The following RAB31 variants were observed in gnomAD, a reference collection of about 807,000 sequenced individuals.
RAB31 encodes the protein ras-related protein Rab-31.
RAB31 carries 21 observed loss-of-function variants against 25.6 expected under a neutral mutation model. The observed-to-expected ratio is 0.82, with a 90% CI of 0.58 to 1.18. The LOEUF (loss-of-function observed/expected upper bound fraction) is 1.18. Among genes scored for constraint, RAB31 ranks in the 50% most tolerant of loss-of-function variants. RAB31 has a pLI of 0.00. For synonymous variants in RAB31, 87 were observed against 84.0 expected (o/e 1.04, Z -0.20); for missense variants, 196 against 250.1 (o/e 0.78, Z 1.46).
Position 9,796,277 on chromosome 18 carries a change from T to C in RAB31, c.201+4042T>C, listed in dbSNP as rs55742218. Among the ~76,000 whole-genome samples the C allele has an allele frequency of 3.6e-3, 544 of 152,262 alleles. 2 individuals carry two copies. Among genetic ancestry groups the C allele is most frequent in the African/African-American group, 0.013 (524 of 41,542 alleles). On this transcript the variant is annotated intron_variant, in intron 3 of 6. Transcript: ENST00000578921. ...AATAAAAACTACACACTGGGTACAGTGTACACTGCTTGGGTGATGGGTGCA... is the reference window on the plus strand; with the variant it reads ...AATAAAAACTACACACTGGGTACAGCGTACACTGCTTGGGTGATGGGTGCA...
At chr18:9,770,488 G>T in intron 1 of RAB31, among the ~76,000 whole-genome samples, 1 of 152,304 alleles carries the variant, frequency 6.6e-6, no homozygotes, top group Middle Eastern at 3.4e-3. Flanking sequence ...AACAGCAGGG[G>T]TTGTCATTTC....
At chr18:9,850,717 A>C (rs1215505839) in intron 6 of RAB31, among the ~76,000 whole-genome samples, 1 of 152,014 alleles carries the variant, frequency 6.6e-6, no homozygotes, top group Non-Finnish European at 1.5e-5. Context: ...ATTAAGGTGA[A>C]TATATGGGCA....
At chr18:9,782,524 G>T (rs752414201) in intron 2 of RAB31, among the ~76,000 whole-genome samples, 2 of 152,222 alleles carry the variant, frequency 1.3e-5, no homozygotes, top group African/African-American at 4.8e-5. Flanking sequence ...AACATCTTGA[G>T]TGTGTGTGTA....
chr18:9,712,951 A>T (rs1164075529), intron 1 of RAB31, among the ~76,000 whole-genome samples: 1 of 152,242 alleles, frequency 6.6e-6, no homozygotes, highest in Non-Finnish European at 1.5e-5. Context: ...GGCTCATTAA[A>T]GAGCAGTCAA....
chr18:9,738,073 T>G (rs1314855492), intron 1 of RAB31, among the ~76,000 whole-genome samples: 4 of 152,084 alleles, frequency 2.6e-5, no homozygotes, highest in Admixed American at 2.6e-4. Flanking sequence ...GAAGGCCAAG[T>G]GCATCATGGA....
chr18:9,812,831 G>C (rs1330944982), intron 3 of RAB31, among the ~76,000 whole-genome samples: 1 of 151,390 alleles, frequency 6.6e-6, no homozygotes, highest in Admixed American at 6.6e-5. Context: ...CCAAGTAGCT[G>C]GGATTACAGG....
intron 6 of RAB31, among the ~76,000 whole-genome samples, chr18:9,855,674 A>G (rs1358709448): frequency 2.0e-5 from 3 of 152,014 alleles, no homozygotes; most frequent in Non-Finnish European, 4.4e-5. Flanking sequence ...TCTCCTTTTA[A>G]AGGTGCCGGC....
At chr18:9,795,149 C>A (rs1568180998) in intron 3 of RAB31, among the ~76,000 whole-genome samples, 2 of 152,154 alleles carry the variant, frequency 1.3e-5, no homozygotes, top group Non-Finnish European at 2.9e-5. Flanking sequence ...AAATGGACAT[C>A]CTATTCAACA....
At chr18:9,765,427 C>G (rs16955563) in intron 1 of RAB31, among the ~76,000 whole-genome samples, 10,105 of 152,124 alleles carry the variant, frequency 0.066, 446 homozygotes, top group East Asian at 0.17. Flanking sequence ...CTCTCTCTAC[C>G]CCAAAAGGAA....
intron 6 of RAB31, among the ~76,000 whole-genome samples, chr18:9,851,711 T>C (rs1004210090): frequency 2.0e-5 from 3 of 152,184 alleles, no homozygotes; most frequent in African/African-American, 7.2e-5. Flanking sequence ...TTTTAAGAAA[T>C]CATGGTACAC....
intron 6 of RAB31, among the ~76,000 whole-genome samples, chr18:9,848,588 T>A (rs762208596): frequency 1.2e-4 from 18 of 152,364 alleles, no homozygotes; most frequent in Admixed American, 1.3e-4. Flanking sequence ...GACTTTTCAT[T>A]TATTTTTCTT....
intron 1 of RAB31, among the ~76,000 whole-genome samples, chr18:9,736,334 A>G (rs927528116): frequency 6.6e-6 from 1 of 152,156 alleles, no homozygotes. Flanking sequence ...TTGCCCTAGA[A>G]TTGCGCTGCC....
At chr18:9,790,127 G>A (rs2068452855) in intron 2 of RAB31, among the ~76,000 whole-genome samples, 1 of 152,052 alleles carries the variant, frequency 6.6e-6, no homozygotes, top group Non-Finnish European at 1.5e-5. Flanking sequence ...AACATAATGA[G>A]GACACCATGA....
intron 1 of RAB31, among the ~76,000 whole-genome samples, chr18:9,719,298 A>AAAAATATATATAT (rs1568161256): frequency 4.3e-5 from 1 of 23,102 alleles, no homozygotes; most frequent in Non-Finnish European, 9.0e-5. Flanking sequence ...AAAAAAAAAA[A>AAAAATATATATAT]ATATATATAT....
intron 2 of RAB31, among the ~76,000 whole-genome samples, chr18:9,791,889 C>A (rs2068462293): frequency 6.6e-6 from 1 of 152,212 alleles, no homozygotes; most frequent in Non-Finnish European, 1.5e-5. Context: ...CGGCATGAAC[C>A]ACCGCGCCTG....
intron 1 of RAB31, among the ~76,000 whole-genome samples, chr18:9,757,014 C>A (rs1342173188): frequency 2.6e-5 from 4 of 152,198 alleles, no homozygotes; most frequent in Admixed American, 2.6e-4. Context: ...TACGTCTTAG[C>A]CTGCAGTACA....
In RAB31 at chr18:9,786,442, G is replaced by C. The variant is rs551452532; in HGVS notation, c.120-5712G>C. On this transcript the variant is annotated intron_variant, in intron 2 of 6. Coordinates refer to ENST00000578921, the MANE Select transcript of RAB31 (RefSeq NM_006868.4). ...GCAAATTAATCAAACTCAAAGAGGG[G>C]TTGGTGGGAACCCCAACCTGAAGCC... Among the ~76,000 whole-genome samples the C allele has an allele frequency of 2.6e-5, 4 of 152,358 alleles. No individual in the cohort carries two copies. The East Asian group carries it at 7.7e-4, about 29-fold the overall frequency.
chr18:9,726,748 A>G (rs1035277918), intron 1 of RAB31, among the ~76,000 whole-genome samples: 1 of 152,178 alleles, frequency 6.6e-6, no homozygotes, highest in South Asian at 2.1e-4. Context: ...GACTAAATTT[A>G]TAACATACTC....
At chr18:9,709,073 C>T (rs1462765237) in intron 1 of RAB31, among the ~76,000 whole-genome samples, 1 of 152,194 alleles carries the variant, frequency 6.6e-6, no homozygotes, top group African/African-American at 2.4e-5. Context: ...GCGCGCCCTG[C>T]AAACTTCCCT....
Sources: allele counts gnomAD v4.1 joint callset (sites outside exome capture counted in the v4.1 genomes callset), GRCh38; gene constraint gnomAD v4.1.1; transcripts MANE v1.5; gene names NCBI Gene and HGNC (gene_info 2026-07-23, HGNC 2026-07-21).